CCND3: variants seen among roughly 807,000 people sequenced by gnomAD.
CCND3 encodes the protein G1/S-specific cyclin-D3.
Under a neutral mutation model 28.7 loss-of-function variants are expected in CCND3, and 9 were observed. That is an observed-to-expected ratio of 0.31 (90% CI 0.19 to 0.55). The LOEUF (loss-of-function observed/expected upper bound fraction) is 0.55. CCND3 is among the 20% of genes least tolerant of loss of function. The pLI, the probability that CCND3 is intolerant of heterozygous loss-of-function variation, is 0.93. For synonymous variants in CCND3, 164 were observed against 163.9 expected, an observed-to-expected ratio of 1.00 and a Z score of 0.00; for missense variants, 315 against 385.8, an observed-to-expected ratio of 0.82 and a Z score of 1.54.
intron 1 of CCND3, among the ~76,000 whole-genome samples, chr6:42,042,287 G>A (rs1395118593): frequency 2.6e-5 from 4 of 152,024 alleles, no homozygotes; most frequent in African/African-American, 7.2e-5. Flanking sequence ...CTCAAAGGAC[G>A]TATGGCCTGC....
At chr6:42,039,792 C>T (rs1474238766) in intron 1 of CCND3, among the ~76,000 whole-genome samples, 1 of 152,236 alleles carries the variant, frequency 6.6e-6, no homozygotes, top group African/African-American at 2.4e-5. Flanking sequence ...TGTGTGACAC[C>T]TGATCTTCCT....
chr6:42,027,782 T>C (rs1174171018), intron 1 of CCND3, among the ~76,000 whole-genome samples: 1 of 152,044 alleles, frequency 6.6e-6, no homozygotes, highest in East Asian at 1.9e-4. Flanking sequence ...AGTTTTGCTC[T>C]TGTTGTCCAG....
At chr6:41,949,939 C>CAAA (rs1210490186) in intron 1 of CCND3, among the ~76,000 whole-genome samples, 1 of 128,414 alleles carries the variant, frequency 7.8e-6, no homozygotes, top group African/African-American at 2.8e-5. Context: ...CTAAAAATAT[C>CAAA]AAAAAAAAAA....
At chr6:41,946,802 C>T (rs577300206), upstream of CCND3, among the ~76,000 whole-genome samples, 9 of 151,488 alleles carry the variant, frequency 5.9e-5, no homozygotes, top group South Asian at 4.2e-4. Flanking sequence ...GAGCACTCTT[C>T]GGCTGGGCGC....
In CCND3 at chr6:42,037,886, C is replaced by T. The variant is rs1012376207; in HGVS notation, c.-46+10615G>A. ...TCTCTAATAAAAATACAAAAATTAG[C>T]TGGGTGTGGTCGCACATGCCTGTAA... On this transcript the variant is annotated intron_variant, in intron 1 of 4. Transcript: ENST00000372988. Among the ~76,000 whole-genome samples, 14 of 152,048 alleles carry T rather than the reference C, an allele frequency of 9.2e-5. 1 individual carries two copies. The South Asian group carries it at 2.7e-3, about 29-fold the overall frequency.
At chr6:42,035,413 G>A (rs1415707809) in intron 1 of CCND3, among the ~76,000 whole-genome samples, 1 of 152,026 alleles carries the variant, frequency 6.6e-6, no homozygotes, top group Non-Finnish European at 1.5e-5. Flanking sequence ...TGTCGCCCAG[G>A]CTGGAGTGCA....
intron 1 of CCND3, among the ~76,000 whole-genome samples, chr6:42,044,763 T>C (rs531156892): frequency 6.7e-6 from 1 of 149,018 alleles, no homozygotes; most frequent in South Asian, 2.1e-4. Flanking sequence ...GGCTATCTTT[T>C]CTTTCTTTTC....
chr6:41,937,365 G>C lies in CCND3; in HGVS notation c.444C>G (p.Leu148=). The C allele has an allele frequency of 6.2e-7, 1 of 1,614,128 alleles. No individual in the cohort carries two copies. The highest frequency in any genetic ancestry group is 8.5e-7 in the Non-Finnish European group (1 of 1,180,020). Residue 148 remains leucine (L), a synonymous_variant, in exon 3 of 5, where the codon CTC becomes CTG. Transcript: ENST00000372991. ...CAATCACAGCAGCCAGGTCCCACTT[G>C]AGCTTCCCTAGGACCAGCACCTCCC... ...RDWEVLVLGK[L]KWDLAAVIAH...
At position 41,941,699 on chromosome 6, in the gene CCND3, G is replaced by A. The variant is rs1462015145; in HGVS notation, c.-50C>T. 3.2e-6 allele frequency: 4 copies of A among 1,257,734 alleles called. No homozygotes were observed. Among genetic ancestry groups the A allele is most frequent in the Non-Finnish European group, 4.1e-6 (4 of 983,536 alleles). The allele number at this position is 1,257,734 out of a possible 1,614,324, so 77.9% of individuals were successfully genotyped here. On this transcript the variant is annotated 5_prime_UTR_variant, in exon 1 of 5. Transcript: ENST00000372991. This position sits in a 1 kb window ranked among gnomAD's most constrained non-coding sequence, Gnocchi z 6.1. ...GGGAGTGCGGGCTCGCGAGTCCCAA[G>A]GCAGGCGACGGGCCGGAGAGCGCGG...
upstream of CCND3, among the ~76,000 whole-genome samples, chr6:41,943,342 G>T (rs970646066): frequency 6.6e-6 from 1 of 151,894 alleles, no homozygotes; most frequent in Non-Finnish European, 1.5e-5. Context: ...TTTGTTCTAT[G>T]AATAAACACA....
chr6:41,959,694 G>A (rs764324089), intron 1 of CCND3, among the ~76,000 whole-genome samples: 1 of 129,406 alleles, frequency 7.7e-6, no homozygotes, highest in African/African-American at 3.2e-5. Context: ...CAGGCCAGGC[G>A]CGGTGGCTCA....
At chr6:42,013,066 TTA>T (rs1295610357) in intron 1 of CCND3, among the ~76,000 whole-genome samples, 4 of 152,158 alleles carry the variant, frequency 2.6e-5, no homozygotes, top group African/African-American at 7.2e-5. Context: ...TATTGCCTGT[TTA>T]GGGGCAATAC....
intron 1 of CCND3, among the ~76,000 whole-genome samples, chr6:41,968,326 T>G (rs1018909675): frequency 7.9e-5 from 12 of 152,236 alleles, no homozygotes; most frequent in Non-Finnish European, 1.8e-4. Flanking sequence ...TTTTCTGGAC[T>G]ATCAATAATA....
At chr6:42,021,355 C>T (rs1763708049) in intron 1 of CCND3, among the ~76,000 whole-genome samples, 1 of 152,110 alleles carries the variant, frequency 6.6e-6, no homozygotes, top group South Asian at 2.1e-4. Context: ...GTTCTGTTTC[C>T]CCTCACTCAT....
chr6:41,999,167 G>C (rs1443925647), intron 1 of CCND3, among the ~76,000 whole-genome samples: 1 of 152,082 alleles, frequency 6.6e-6, no homozygotes, highest in Non-Finnish European at 1.5e-5. Flanking sequence ...TGGTGGCTGA[G>C]ATAGCGCCAT....
At chr6:42,006,736 A>G (rs1331511536) in intron 1 of CCND3, among the ~76,000 whole-genome samples, 3 of 151,870 alleles carry the variant, frequency 2.0e-5, no homozygotes, top group East Asian at 3.9e-4. Context: ...GTGAAACCCC[A>G]TCTCTACTAA....
chr6:41,936,096 C>T lies in CCND3; in HGVS notation c.723G>A (p.Arg241=). Residue 241 remains arginine, a synonymous_variant, in exon 5 of 5, where the codon CGG becomes CGA. Transcript: ENST00000372991. This position sits in a 1 kb window ranked among gnomAD's most constrained non-coding sequence, Gnocchi z 4.4. Reference sequence around the variant, plus strand: ...CAGCTTCGATCTGCTCCTGACAGGCCCGCAGGCAGTCCTGGGAACATGGGA... The same window carrying T: ...CAGCTTCGATCTGCTCCTGACAGGCTCGCAGGCAGTCCTGGGAACATGGGA... The part of the protein sequence containing the change: ...GITGTEVDCL[R]ACQEQIEAAL... 6.3e-7 allele frequency: 1 copy of T among 1,593,568 alleles called. No homozygotes were observed. Among genetic ancestry groups the T allele is most frequent in the Non-Finnish European group, 8.6e-7 (1 of 1,169,024 alleles).
intron 1 of CCND3, among the ~76,000 whole-genome samples, chr6:42,038,584 T>C (rs1469287094): frequency 2.7e-5 from 4 of 149,710 alleles, no homozygotes; most frequent in Non-Finnish European, 5.9e-5. Flanking sequence ...TCAAAAATAA[T>C]CATTGTTCTA....
intron 1 of CCND3, among the ~76,000 whole-genome samples, chr6:42,022,169 A>G (rs565329985): frequency 6.6e-6 from 1 of 152,298 alleles, no homozygotes; most frequent in African/African-American, 2.4e-5. Flanking sequence ...CTGCTGGGAG[A>G]GATCCACGAT....
Sources: allele counts gnomAD v4.1 joint callset (sites outside exome capture counted in the v4.1 genomes callset), GRCh38; gene constraint gnomAD v4.1.1; non-coding constraint Gnocchi (gnomAD v3.1); transcripts MANE v1.5; gene names NCBI Gene and HGNC (gene_info 2026-07-23, HGNC 2026-07-21).